Variants in SAMD12 observed in about 807,000 individuals in gnomAD.
SAMD12 encodes sterile alpha motif domain-containing protein 12.
Under a neutral mutation model 15.0 loss-of-function variants are expected in SAMD12, and 9 were observed. The observed-to-expected ratio is 0.60, with a 90% CI of 0.36 to 1.05. The LOEUF is 1.05. Among genes scored for constraint, SAMD12 ranks in the 50% least tolerant of loss-of-function variants. SAMD12 has a pLI of 0.01. For missense variants in SAMD12, 230 were observed against 234.2 expected (o/e 0.98, Z 0.12); for synonymous variants, 86 against 90.1 (o/e 0.96, Z 0.25).
At chr8:118,472,123 TA>T (rs1316663845) in intron 2 of SAMD12, among the ~76,000 whole-genome samples, 4 of 151,578 alleles carry the variant, frequency 2.6e-5, no homozygotes, top group African/African-American at 9.7e-5. Context: ...CTGTCTCCAC[TA>T]AAAATACAAA....
chr8:118,368,909 T>C (rs1400294646), intron 4 of SAMD12, among the ~76,000 whole-genome samples: 1 of 152,178 alleles, frequency 6.6e-6, no homozygotes, highest in Non-Finnish European at 1.5e-5. Flanking sequence ...GTGCACCTGT[T>C]AACATTTTTA....
intron 2 of SAMD12, among the ~76,000 whole-genome samples, chr8:118,504,374 GCCTGCCACAAGT>G (rs1255582042): frequency 1.3e-5 from 2 of 152,092 alleles, no homozygotes; most frequent in African/African-American, 4.8e-5. Flanking sequence ...GCCAATAAGG[GCCTGCCACAAGT>G]CAAGGAGACC....
At chr8:118,140,585 T>C in the SAMD12 span, among the ~76,000 whole-genome samples, 5 of 152,222 alleles carry the variant, frequency 3.3e-5, no homozygotes, top group Non-Finnish European at 4.4e-5. Flanking sequence ...GTCTGTCTTA[T>C]GTATTGTTAT....
intron 4 of SAMD12, among the ~76,000 whole-genome samples, chr8:118,217,839 C>T (rs1415687567): frequency 6.6e-6 from 1 of 152,180 alleles, no homozygotes; most frequent in Non-Finnish European, 1.5e-5. Flanking sequence ...ATCAGCTCTC[C>T]CGATTTTTCT....
At chr8:118,267,479 A>G in intron 4 of SAMD12, among the ~76,000 whole-genome samples, 1 of 152,154 alleles carries the variant, frequency 6.6e-6, no homozygotes. Context: ...ACATCATTTC[A>G]TCAGCTCAAC....
At chr8:118,548,016 C>A (rs1826181433) in intron 2 of SAMD12, among the ~76,000 whole-genome samples, 1 of 152,050 alleles carries the variant, frequency 6.6e-6, no homozygotes, top group Non-Finnish European at 1.5e-5. Context: ...GGTTACCAAA[C>A]CCAACTCTTC....
the SAMD12 span, among the ~76,000 whole-genome samples, chr8:118,152,401 TCTTTCCTTTCCTTC>T: frequency 6.6e-6 from 1 of 152,014 alleles, no homozygotes; most frequent in Non-Finnish European, 1.5e-5. Flanking sequence ...TTTCTTCCTT[TCTTTCCTTTCCTTC>T]CTTTCCTTTC....
At chr8:118,509,958 G>A (rs534843564) in intron 2 of SAMD12, among the ~76,000 whole-genome samples, 1 of 152,230 alleles carries the variant, frequency 6.6e-6, no homozygotes, top group South Asian at 2.1e-4. Flanking sequence ...AATATTGAGG[G>A]TGAGAGTTAT....
chr8:118,373,156 C>T (rs1202873248), downstream of SAMD12, among the ~76,000 whole-genome samples: 1 of 152,074 alleles, frequency 6.6e-6, no homozygotes, highest in Non-Finnish European at 1.5e-5. Context: ...GTATGCAATA[C>T]AGAATATACC....
chr8:118,440,657 AACACACACACACACACACACAC>A (rs34419362), intron 2 of SAMD12, among the ~76,000 whole-genome samples: 2 of 142,130 alleles, frequency 1.4e-5, no homozygotes, highest in African/African-American at 2.7e-5. Context: ...TTATGAGGAA[AACACACACACACACACACACAC>A]ACACACACAC....
intron 4 of SAMD12, among the ~76,000 whole-genome samples, chr8:118,270,953 T>G (rs776836796): frequency 1.3e-5 from 2 of 152,176 alleles, no homozygotes; most frequent in Non-Finnish European, 2.9e-5. Context: ...ATATAATTAT[T>G]GGGTAAGTGA....
At chr8:118,354,272 T>A (rs1389207859) in intron 4 of SAMD12, among the ~76,000 whole-genome samples, 7 of 152,202 alleles carry the variant, frequency 4.6e-5, no homozygotes, top group African/African-American at 1.7e-4. Flanking sequence ...AGAGGTTTGG[T>A]GCTAGTAAAA....
chr8:118,538,359 A>C (rs892286132), intron 2 of SAMD12, among the ~76,000 whole-genome samples: 1 of 152,170 alleles, frequency 6.6e-6, no homozygotes, highest in African/African-American at 2.4e-5. Flanking sequence ...TGGCTTAAGC[A>C]GCCTTTCAAG....
At chr8:118,185,392 C>G (rs1819226711), downstream of SAMD12, among the ~76,000 whole-genome samples, 1 of 152,132 alleles carries the variant, frequency 6.6e-6, no homozygotes, top group Non-Finnish European at 1.5e-5. Flanking sequence ...CCCCCTTCTC[C>G]CTTCCCACTG....
In SAMD12 at chr8:118,501,243, T is replaced by C. The variant is rs1203125578; in HGVS notation, c.193-61282A>G. On this transcript the variant is annotated intron_variant, in intron 2 of 3. Coordinates refer to ENST00000314727, the MANE Select transcript of SAMD12 (RefSeq NM_207506.3). ...GTCTTGTTTTATTCTCTCAATGTCT[T>C]GCTTTCCACAAAACTAGATGTTCAT... 3.3e-5 allele frequency among the ~76,000 whole-genome samples: 5 copies of C among 152,348 alleles called. No individual in the cohort carries two copies. The East Asian group carries it at 9.6e-4, about 29-fold the overall frequency.
At chr8:118,215,465 C>CT (rs900815536) in intron 4 of SAMD12, among the ~76,000 whole-genome samples, 24 of 95,834 alleles carry the variant, frequency 2.5e-4, no homozygotes, top group East Asian at 6.5e-4. Flanking sequence ...TCATTGAGTG[C>CT]TTTTTTTTTT....
At chr8:118,394,741 C>T (rs1429196735) in intron 3 of SAMD12, 2 of 152,174 alleles carry the variant, frequency 1.3e-5, no homozygotes, top group Non-Finnish European at 2.9e-5. Flanking sequence ...GAACTTGAGA[C>T]ATAGTTGGAT....
rs572589632 is a variant in SAMD12 at position 118,527,752 on chromosome 8, A to G, written c.192+52963T>C. On this transcript the variant is annotated intron_variant, in intron 2 of 3. Transcript: ENST00000314727. ...TTGAAATCCCCACTTATTCCTACTTAATCTTGAGTTAATAAGATGTTTAAT... is the reference window on the plus strand; with the variant it reads ...TTGAAATCCCCACTTATTCCTACTTGATCTTGAGTTAATAAGATGTTTAAT... Among the ~76,000 whole-genome samples, 5 of 152,232 alleles carry G rather than the reference A, an allele frequency of 3.3e-5. 1 individual carries two copies. The South Asian group carries it at 1.0e-3, about 32-fold the overall frequency.
intron 3 of SAMD12, among the ~76,000 whole-genome samples, chr8:118,431,513 G>A (rs902932673): frequency 6.6e-6 from 1 of 151,948 alleles, no homozygotes; most frequent in Admixed American, 6.6e-5. Context: ...ATTGGATATA[G>A]AATTGGTCAT....
Sources: allele counts gnomAD v4.1 joint callset (sites outside exome capture counted in the v4.1 genomes callset), GRCh38; gene constraint gnomAD v4.1.1; transcripts MANE v1.5; gene names NCBI Gene and HGNC (gene_info 2026-07-23, HGNC 2026-07-21).